The following CYRIB variants were observed in gnomAD, a reference collection of about 807,000 sequenced individuals.
CYRIB encodes CYFIP-related Rac1 interactor B.
Under a neutral mutation model 44.2 loss-of-function variants are expected in CYRIB, and 8 were observed. The ratio of observed to expected loss-of-function variants is 0.18; its 90% confidence interval spans 0.11 to 0.33. The LOEUF (loss-of-function observed/expected upper bound fraction) is 0.33, where lower values mean the gene tolerates loss of function less well. Ranked by LOEUF, CYRIB falls within the 10% of genes least tolerant of loss-of-function variation. The pLI, the probability that CYRIB is intolerant of heterozygous loss-of-function variation, is 1.00. For missense variants in CYRIB, 185 were observed against 382.8 expected (o/e 0.48, Z 4.31); for synonymous variants, 131 against 127.2 (o/e 1.03, Z -0.20).
chr8:129,853,779 T>C (rs1054529187), intron 7 of CYRIB, among the ~76,000 whole-genome samples: 2 of 152,206 alleles, frequency 1.3e-5, no homozygotes, highest in African/African-American at 2.4e-5. Flanking sequence ...CAAACAGCTA[T>C]ATCAGGCACA....
chr8:129,970,277 C>G (rs1215637945), intron 2 of CYRIB, among the ~76,000 whole-genome samples: 1 of 152,098 alleles, frequency 6.6e-6, no homozygotes, highest in African/African-American at 2.4e-5. Context: ...AGTTGGGAGT[C>G]TAGGAAACCG....
intron 1 of CYRIB, among the ~76,000 whole-genome samples, chr8:129,905,209 T>TGATG (rs137875811): frequency 6.6e-6 from 1 of 151,376 alleles, no homozygotes; most frequent in Admixed American, 6.6e-5. Flanking sequence ...CTGGATTGAT[T>TGATG]GATTGATTGA....
At chr8:129,935,674 A>T (rs1480839655) in intron 1 of CYRIB, among the ~76,000 whole-genome samples, 1 of 152,192 alleles carries the variant, frequency 6.6e-6, no homozygotes, top group Non-Finnish European at 1.5e-5. Flanking sequence ...CATCAACTAA[A>T]ATATACCAAG....
At chr8:129,949,174 T>C (rs2094360782) in intron 2 of CYRIB, 2 of 152,162 alleles carry the variant, frequency 1.3e-5, no homozygotes, top group East Asian at 1.9e-4. Flanking sequence ...TCAATGCCAT[T>C]AAAAAAAGAT....
intron 3 of CYRIB, among the ~76,000 whole-genome samples, chr8:129,877,663 G>GTGTGTGTGTGTGTGTGTGTGTGT (rs3222125): frequency 7.7e-6 from 1 of 130,682 alleles, no homozygotes; most frequent in African/African-American, 3.3e-5. Context: ...AAAAAAAAAA[G>GTGTGTGTGTGTGTGTGTGTGTGT]GTGTGTGTGT....
At chr8:129,943,079 A>ACCGCCCACCCCCCC (rs11275212), upstream of CYRIB, among the ~76,000 whole-genome samples, 152 of 113,104 alleles carry the variant, frequency 1.3e-3, no homozygotes, top group African/African-American at 6.6e-3. Flanking sequence ...ACATTTTTGC[A>ACCGCCCACCCCCCC]CCGCCCACCC....
intron 6 of CYRIB, among the ~76,000 whole-genome samples, chr8:129,854,594 G>C (rs2045159416): frequency 6.6e-6 from 1 of 152,128 alleles, no homozygotes; most frequent in Non-Finnish European, 1.5e-5. Context: ...TGTACTAAAA[G>C]CTTGTTTATC....
chr8:129,961,749 A>C (rs1275348395), intron 2 of CYRIB, among the ~76,000 whole-genome samples: 1 of 152,164 alleles, frequency 6.6e-6, no homozygotes, highest in Non-Finnish European at 1.5e-5. Flanking sequence ...CTCAGAAGAG[A>C]ACTATGGCAA....
intron 4 of CYRIB, 122 bp from the exon 7 acceptor site, chr8:129,862,456 T>C (rs2050308165): frequency 2.5e-6 from 2 of 790,078 alleles, no homozygotes; most frequent in Non-Finnish European, 4.1e-6. Context: ...ATATAGAATA[T>C]TGAATCTAGG....
intron 1 of CYRIB, among the ~76,000 whole-genome samples, chr8:129,910,808 AGAGAAACAC>A (rs1270962585): frequency 1.3e-5 from 2 of 152,118 alleles, no homozygotes; most frequent in African/African-American, 4.8e-5. Flanking sequence ...AAAACAAACA[AGAGAAACAC>A]GGTCTCGCTC....
At chr8:129,986,959 C>G (rs1332072347) in intron 1 of CYRIB, among the ~76,000 whole-genome samples, 2 of 152,180 alleles carry the variant, frequency 1.3e-5, no homozygotes, top group Non-Finnish European at 2.9e-5. Context: ...AGTCAAAGCA[C>G]GGAACCTCCA....
rs575440927 is a variant in CYRIB, at chr8:129,952,383, T to C, written c.-243+18560A>G. Among the ~76,000 whole-genome samples the C allele has an allele frequency of 2.4e-4, 36 of 152,270 alleles. No homozygotes were observed. The South Asian group carries it at 7.4e-3, about 31-fold the overall frequency. On this transcript the variant is annotated intron_variant, in intron 2 of 14. Coordinates refer to the CYRIB transcript ENST00000401979. Reference sequence around the variant, plus strand: ...GCCAAAAATTACATTTATAATTATGTATATTACATGTATATGTATGTATAC... The same window carrying C: ...GCCAAAAATTACATTTATAATTATGCATATTACATGTATATGTATGTATAC...
Position 129,855,598 on chromosome 8 carries a change from T to A in CYRIB, c.438+13A>T, listed in dbSNP as rs374178710. On this transcript the variant is annotated intron_variant, in intron 6 of 11. Transcript: ENST00000519824. Reference sequence around the variant, plus strand: ...TGATTTTCGTAACAATCAGGGCCAATAGATAATTCTACCTTGAGTTCATCA... The same window carrying A: ...TGATTTTCGTAACAATCAGGGCCAAAAGATAATTCTACCTTGAGTTCATCA... 6.2e-7 allele frequency: 1 copy of A among 1,613,888 alleles called. No homozygotes were observed. Among genetic ancestry groups the A allele is most frequent in the East Asian group, 2.2e-5 (1 of 44,868 alleles).
chr8:129,882,513 A>G (rs1172892639), intron 2 of CYRIB, among the ~76,000 whole-genome samples: 1 of 152,224 alleles, frequency 6.6e-6, no homozygotes, highest in African/African-American at 2.4e-5. Context: ...CCTTATCAAC[A>G]CATTCCAATG....
intron 2 of CYRIB, among the ~76,000 whole-genome samples, chr8:129,954,274 G>A (rs117403741): frequency 0.071 from 10,870 of 152,080 alleles, 566 homozygotes; most frequent in East Asian, 0.27. Context: ...CCAGGCTGGA[G>A]TGCAATGGTA....
upstream of CYRIB, among the ~76,000 whole-genome samples, chr8:129,941,897 G>T (rs780465357): frequency 6.6e-6 from 1 of 152,214 alleles, no homozygotes; most frequent in Non-Finnish European, 1.5e-5. Context: ...CTTTGATTGT[G>T]AGGAACCTCT....
intron 2 of CYRIB, among the ~76,000 whole-genome samples, chr8:129,962,110 G>A (rs900068710): frequency 6.6e-6 from 1 of 152,172 alleles, no homozygotes; most frequent in South Asian, 2.1e-4. Flanking sequence ...AGCCACGCAT[G>A]GTGCTGCTTG....
chr8:129,932,434 A>G (rs147840292), intron 1 of CYRIB, among the ~76,000 whole-genome samples: 367 of 152,274 alleles, frequency 2.4e-3, no homozygotes, highest in African/African-American at 7.6e-3. Context: ...ATTGCTCATT[A>G]GAAAAGATCT....
chr8:129,971,500 G>A (rs1334809252), intron 1 of CYRIB, among the ~76,000 whole-genome samples: 1 of 152,180 alleles, frequency 6.6e-6, no homozygotes, highest in African/African-American at 2.4e-5. Context: ...AACATTCAGA[G>A]AAGTTGAATA....
Sources: gnomAD v4.1 joint callset for allele counts (sites outside exome capture counted in the v4.1 genomes callset) on GRCh38, gnomAD v4.1.1 for gene constraint, MANE v1.5 for transcripts, NCBI Gene and HGNC (gene_info 2026-07-23, HGNC 2026-07-21) for gene names.